KDM3B: variants seen among roughly 807,000 people sequenced by gnomAD.
KDM3B encodes lysine-specific demethylase 3B.
Under a neutral mutation model 170.0 loss-of-function variants are expected in KDM3B, and 10 were observed. The ratio of observed to expected loss-of-function variants is 0.06; its 90% CI spans 0.04 to 0.10. KDM3B has a LOEUF of 0.10. Among genes scored for constraint, KDM3B ranks in the 10% least tolerant of loss-of-function variants. The pLI, the probability that KDM3B is intolerant of heterozygous loss-of-function variation, is 1.00. For synonymous variants in KDM3B, 831 were observed against 834.8 expected (o/e 1.00, Z 0.08); for missense variants, 1,394 against 2,195.2 (o/e 0.64, Z 7.29).
intron 8 of KDM3B, among the ~76,000 whole-genome samples, chr5:138,392,755 G>A (rs1359278198): frequency 2.0e-5 from 3 of 152,154 alleles, no homozygotes; most frequent in Admixed American, 2.0e-4. Flanking sequence ...GTGGTGTGAG[G>A]TTATGGTCCA....
chr5:138,392,368 C>T, intron 8 of KDM3B, 107 bp downstream of exon 8: 1 of 1,168,214 alleles, frequency 8.6e-7, no homozygotes, highest in Non-Finnish European at 1.1e-6. Flanking sequence ...GTTCTGTAAT[C>T]TCATAGAATT....
chr5:138,428,112 T>G, intron 20 of KDM3B, 26 bp downstream of exon 20: 1 of 1,610,072 alleles, frequency 6.2e-7, no homozygotes. Flanking sequence ...TCCACTGCTT[T>G]AGGATGGTGA....
intron 20 of KDM3B, 120 bp from the exon 21 acceptor site, chr5:138,429,706 C>A: frequency 9.1e-7 from 1 of 1,100,768 alleles, no homozygotes; most frequent in Non-Finnish European, 1.3e-6. Context: ...CTGATTCTGC[C>A]TTACATTATT....
At chr5:138,427,089 TC>T (rs779153741) in intron 18 of KDM3B, 24 bp downstream of exon 18, 1 of 1,612,006 alleles carries the variant, frequency 6.2e-7, no homozygotes, top group Non-Finnish European at 8.5e-7. Context: ...AGTGGTGTCA[TC>T]TTCAGAAGCC....
intron 7 of KDM3B, among the ~76,000 whole-genome samples, chr5:138,387,974 G>A (rs925484902): frequency 7.2e-5 from 11 of 152,010 alleles, no homozygotes; most frequent in East Asian, 1.9e-4. Context: ...CCAGCTACTC[G>A]GGAGGCTGAG....
At chr5:138,400,244 G>GT (rs969316669) in intron 11 of KDM3B, among the ~76,000 whole-genome samples, 11 of 150,118 alleles carry the variant, frequency 7.3e-5, no homozygotes, top group Non-Finnish European at 1.2e-4. Flanking sequence ...TTTTGTTTTT[G>GT]TTTTTTTTAA....
At chr5:138,394,905 A>T (rs1163473750) in intron 9 of KDM3B, among the ~76,000 whole-genome samples, 1 of 152,234 alleles carries the variant, frequency 6.6e-6, no homozygotes, top group Non-Finnish European at 1.5e-5. Context: ...AGTGATGGAC[A>T]TGATGAGAAG....
At position 138,386,615 on chromosome 5, in the gene KDM3B, G is replaced by A. The variant is rs745953070; in HGVS notation, c.1374G>A (p.Ser458=). ...EKQKGSRSQA[S]GENSRNSILA... ...AGAAAGGCAGCCGGTCGCAGGCCTC[G>A]GGAGAGGTGAGTTACTTCAGGGGCA... Residue 458 remains serine (S), a synonymous_variant, in exon 7 of 24, where the codon TCG becomes TCA. Coordinates refer to ENST00000314358, the MANE Select transcript of KDM3B (RefSeq NM_016604.4). 9 of 1,608,938 alleles carry A rather than the reference G, an allele frequency of 5.6e-6. No individual in the cohort carries two copies. Among genetic ancestry groups the A allele is most frequent in the African/African-American group, 2.7e-5 (2 of 74,818 alleles).
In KDM3B at chr5:138,406,809, A is replaced by G. The variant is rs375942673; in HGVS notation, c.3199+6797A>G. Among the ~76,000 whole-genome samples the G allele has an allele frequency of 4.6e-5, 7 of 152,064 alleles. No individual in the cohort carries two copies. In the East Asian group the frequency reaches 1.3e-3, roughly 29 times the overall value. On this transcript the variant is annotated intron_variant, in intron 11 of 23. Transcript: ENST00000314358. ...GTGGCGTGTGCCTATACTCTCATCT[A>G]TTTGAGAATCTTAGGTGGGAGGATC...
intron 9 of KDM3B, among the ~76,000 whole-genome samples, chr5:138,397,068 C>T (rs1463819035): frequency 2.0e-5 from 3 of 152,120 alleles, no homozygotes; most frequent in Non-Finnish European, 4.4e-5. Flanking sequence ...CAGTGGCTCA[C>T]GCCTGTAATC....
At chr5:138,414,324 C>A (rs1215785537) in intron 11 of KDM3B, among the ~76,000 whole-genome samples, 2 of 152,180 alleles carry the variant, frequency 1.3e-5, no homozygotes, top group African/African-American at 4.8e-5. Flanking sequence ...CGCCACCACA[C>A]CTGGCTAATT....
intron 23 of KDM3B, among the ~76,000 whole-genome samples, chr5:138,432,076 T>G (rs1763545747): frequency 6.6e-6 from 1 of 152,200 alleles, no homozygotes; most frequent in Admixed American, 6.5e-5. Flanking sequence ...TCATTTCTGT[T>G]GTGACAGTCC....
chr5:138,408,029 G>GT (rs961507023), intron 11 of KDM3B, among the ~76,000 whole-genome samples: 2 of 152,188 alleles, frequency 1.3e-5, no homozygotes, highest in Non-Finnish European at 2.9e-5. Flanking sequence ...AGACATAGAT[G>GT]TTAGCAGTTA....
Position 138,429,818 on chromosome 5 carries a change from CT to C in KDM3B, c.4754-4del. On this transcript the variant is annotated splice_polypyrimidine_tract_variant and splice_region_variant and intron_variant, in intron 20 of 23. Coordinates refer to ENST00000314358, the MANE Select transcript of KDM3B (RefSeq NM_016604.4). ...ACTACATTGAAAGTGTCATTTTGCT[CT>C]TTTCAGAGGTACTCAAGACAATTGA... is the stretch of plus-strand genomic sequence containing the variant. 1.2e-6 allele frequency: 2 copies of C among 1,613,370 alleles called. No homozygotes were observed. The highest frequency in any genetic ancestry group is 4.5e-5 in the East Asian group (2 of 44,850).
intron 11 of KDM3B, among the ~76,000 whole-genome samples, chr5:138,403,541 G>A (rs1762741001): frequency 6.6e-6 from 1 of 152,056 alleles, no homozygotes; most frequent in African/African-American, 2.4e-5. Context: ...GCCAGGCATG[G>A]TGGCGGGTGC....
rs890493408 is a variant in KDM3B, at chr5:138,436,183, C to G, written c.*483C>G. 1 of 160,662 alleles carries G rather than the reference C, an allele frequency of 6.2e-6. No homozygotes were observed. Among genetic ancestry groups the G allele is most frequent in the Non-Finnish European group, 1.4e-5 (1 of 73,738 alleles). The allele number at this position is 160,662 out of a possible 1,614,324, so 10.0% of individuals were successfully genotyped here. The stretch of plus-strand genomic sequence containing the variant: ...CTCTGACAAAGCCCATCCCAGGAGA[C>G]GGGGTGAAGCTATTCCCCACACTCT... On this transcript the variant is annotated 3_prime_UTR_variant, in exon 24 of 24. Transcript: ENST00000314358.
chr5:138,420,956 C>G lies in KDM3B; in HGVS notation c.3966C>G (p.Ser1322=). Residue 1322 remains serine, a synonymous_variant, in exon 15 of 24, where the codon TCC becomes TCG. Coordinates refer to ENST00000314358, the MANE Select transcript of KDM3B (RefSeq NM_016604.4). ...CCTTTCCCCCGGTCTTCTCTACATC[C>G]TCAGCAGTAAGTGTCCTCTGCAACT... is the stretch of plus-strand genomic sequence containing the variant. The part of the protein sequence containing the change: ...GIPFPPVFST[S]SAGVKSKASL... 1 of 1,613,948 alleles carries G rather than the reference C, an allele frequency of 6.2e-7. No individual in the cohort carries two copies. Among genetic ancestry groups the G allele is most frequent in the Non-Finnish European group, 8.5e-7 (1 of 1,179,884 alleles).
Position 138,419,141 on chromosome 5 carries a change from C to G in KDM3B, c.3624C>G (p.Ile1208Met). ...ASNSNSELKA[I>M]RPPCPDTAPP... ...ATAGCAATAGTGAACTGAAAGCCAT[C>G]AGGCCTCCTTGCCCTGACACGGCCC... The change falls in exon 14 of 24, where the codon ATC becomes ATG. Residue 1208 changes from isoleucine (I) to methionine (M), a missense_variant. Around this residue, in one of 19 missense-constraint regions of KDM3B, gnomAD observed 87 missense variants for 83.3 expected, o/e 1.04. Transcript: ENST00000314358. 1 of 1,614,240 alleles carries G rather than the reference C, an allele frequency of 6.2e-7. No individual in the cohort carries two copies. The highest frequency in any genetic ancestry group is 8.5e-7 in the Non-Finnish European group (1 of 1,180,038).
intron 9 of KDM3B, among the ~76,000 whole-genome samples, chr5:138,395,467 A>G (rs535078170): frequency 6.6e-6 from 1 of 152,332 alleles, no homozygotes; most frequent in South Asian, 2.1e-4. Context: ...AACTGTGTCA[A>G]ATGTTGCTGA....
Sources: gnomAD v4.1 joint callset for allele counts (sites outside exome capture counted in the v4.1 genomes callset) on GRCh38, gnomAD v4.1.1 for gene constraint, gnomAD v4.1.1 regional missense constraint, MANE v1.5 for transcripts, NCBI Gene and HGNC (gene_info 2026-07-23, HGNC 2026-07-21) for gene names.